AP4S1: variants seen among roughly 807,000 people sequenced by gnomAD.
The protein encoded by AP4S1 is adaptor related protein complex 4 subunit sigma 1.
A neutral mutation model predicts 19.8 loss-of-function variants in AP4S1; 23 were observed. The observed-to-expected ratio is 1.16, with a 90% CI of 0.84 to 1.65. The LOEUF (loss-of-function observed/expected upper bound fraction) is 1.65, where lower values mean the gene tolerates loss of function less well. AP4S1 is among the 40% of genes most tolerant of loss of function. The probability of loss-of-function intolerance (pLI) is 0.00; values close to 1 mark genes in which losing one functional copy is unlikely to be tolerated. For synonymous variants in AP4S1, 46 were observed against 54.1 expected (o/e 0.85, Z 0.66); for missense variants, 166 against 172.8 (o/e 0.96, Z 0.22).
chr14:31,081,043 C>T (rs771417424), intron 5 of AP4S1, among the ~76,000 whole-genome samples: 2 of 152,166 alleles, frequency 1.3e-5, no homozygotes, highest in Non-Finnish European at 2.9e-5. Flanking sequence ...CCACCCACCT[C>T]GGCCTCCCAA....
rs546391890 is a variant in AP4S1 at position 31,073,275 on chromosome 14, G to T, written c.294+302G>T. ...GGAGGCTAAGGTGGGCAGATCACAA[G>T]GTCAGGAGATGGAGACCATCCTGGC... On this transcript the variant is annotated intron_variant, in intron 4 of 5. Coordinates refer to ENST00000542754, the MANE Select transcript of AP4S1 (RefSeq NM_001128126.3). 8.2e-4 allele frequency: 269 copies of T among 329,010 alleles called. 2 individuals carry two copies. Among genetic ancestry groups the T allele is most frequent in the Non-Finnish European group, 1.5e-4 (26 of 171,292 alleles). 20.4% of individuals were successfully genotyped at this position (329,010 alleles called of 1,614,324 possible).
At chr14:31,048,934 T>A (rs565578161) in intron 1 of AP4S1, among the ~76,000 whole-genome samples, 49 of 152,066 alleles carry the variant, frequency 3.2e-4, no homozygotes, top group African/African-American at 1.2e-3. Flanking sequence ...TGTAGGACTA[T>A]CCTATTAGTT....
intron 1 of AP4S1, among the ~76,000 whole-genome samples, chr14:31,059,951 T>A (rs1886327590): frequency 7.1e-6 from 1 of 141,044 alleles, no homozygotes; most frequent in African/African-American, 2.6e-5. Flanking sequence ...ATATATTTAT[T>A]TATTTATGTA....
Position 31,080,573 on chromosome 14 carries a change from A to C in AP4S1, c.295A>C (p.Ser99Arg), listed in dbSNP as rs756850678. The C allele has an allele frequency of 6.2e-7, 1 of 1,612,116 alleles. No homozygotes were observed. Among genetic ancestry groups the C allele is most frequent in the Non-Finnish European group, 8.5e-7 (1 of 1,178,450 alleles). Residue 99 changes from serine (S) to arginine (R), a missense_variant and splice_region_variant, in exon 5 of 6, where the codon AGT becomes CGT. Transcript: ENST00000542754. ...CTTGCACTCTTTTTCTGTCTTCCAG[A>C]GTGAATTAGATGTATCCTTTTTCAA... ...EVLDEYFSRV[S>R]ELDIMFNLDK...
intron 1 of AP4S1, among the ~76,000 whole-genome samples, chr14:31,045,117 G>C (rs888118367): frequency 9.2e-5 from 14 of 152,068 alleles, no homozygotes; most frequent in Non-Finnish European, 1.6e-4. Flanking sequence ...GGCCAGGTTG[G>C]TCTCAAACTC....
chr14:31,054,788 A>C (rs917266954), intron 1 of AP4S1, among the ~76,000 whole-genome samples: 1 of 136,276 alleles, frequency 7.3e-6, no homozygotes, highest in African/African-American at 2.7e-5. Flanking sequence ...GGATCACCGG[A>C]GGCTGGGAGC....
At chr14:31,075,291 G>C (rs1459288149) in intron 4 of AP4S1, among the ~76,000 whole-genome samples, 1 of 151,962 alleles carries the variant, frequency 6.6e-6, no homozygotes, top group African/African-American at 2.4e-5. Flanking sequence ...TTGTCTTTCG[G>C]TGCCTGGCTT....
At chr14:31,069,018 T>C (rs970323749) in intron 2 of AP4S1, among the ~76,000 whole-genome samples, 2 of 152,158 alleles carry the variant, frequency 1.3e-5, no homozygotes, top group African/African-American at 4.8e-5. Flanking sequence ...GGCTTTCCCA[T>C]AGAGGAATTT....
At chr14:31,076,022 C>T (rs923621396) in intron 4 of AP4S1, among the ~76,000 whole-genome samples, 6 of 152,112 alleles carry the variant, frequency 3.9e-5, no homozygotes, top group African/African-American at 1.2e-4. Context: ...AGGCGTGAGC[C>T]GTCACGCCTG....
chr14:31,051,458 G>A (rs1885789358), intron 1 of AP4S1, among the ~76,000 whole-genome samples: 1 of 152,138 alleles, frequency 6.6e-6, no homozygotes, highest in African/African-American at 2.4e-5. Context: ...ATCACCTGAG[G>A]TCGAGAGTTC....
chr14:31,070,391 C>T (rs1053415621), intron 3 of AP4S1, among the ~76,000 whole-genome samples: 13 of 152,208 alleles, frequency 8.5e-5, no homozygotes, highest in African/African-American at 2.4e-5. Context: ...CAGGCTCACA[C>T]TCCCAAGCCC....
intron 1 of AP4S1, among the ~76,000 whole-genome samples, chr14:31,043,146 G>A (rs3784160): frequency 0.43 from 65,766 of 151,532 alleles, 15,115 homozygotes; most frequent in Admixed American, 0.57. Flanking sequence ...GCTTGAACTC[G>A]GGAGGCGGAA....
In AP4S1 at chr14:31,025,737, G is replaced by T; in HGVS notation, c.-122G>T. 1.1e-6 allele frequency: 1 copy of T among 907,266 alleles called. No individual in the cohort carries two copies. The highest frequency in any genetic ancestry group is 1.7e-5 in the South Asian group (1 of 58,108). 56.2% of individuals were successfully genotyped at this position (907,266 alleles called of 1,614,324 possible). ...CAAGCTTATGCGGGAAAGAGGGAGG[G>T]GGACTCCAGGAAAAGCCGTTGAGAG... On this transcript the variant is annotated 5_prime_UTR_variant, in exon 1 of 6. Transcript: ENST00000542754.
chr14:31,046,964 C>A (rs549097418), intron 1 of AP4S1, among the ~76,000 whole-genome samples: 106 of 152,290 alleles, frequency 7.0e-4, no homozygotes, highest in Non-Finnish European at 1.3e-3. Flanking sequence ...TACATTCCCA[C>A]CAGCAATGTA....
chr14:31,030,237 G>T (rs1370528343), intron 1 of AP4S1, among the ~76,000 whole-genome samples: 2 of 152,094 alleles, frequency 1.3e-5, no homozygotes, highest in Non-Finnish European at 2.9e-5. Flanking sequence ...GGGGTTACAG[G>T]TGTGAGCCAC....
At chr14:31,082,758 C>T (rs987801257) in intron 5 of AP4S1, among the ~76,000 whole-genome samples, 55 of 152,046 alleles carry the variant, frequency 3.6e-4, no homozygotes, top group Admixed American at 7.2e-4. Flanking sequence ...TAGCCGGGCG[C>T]GGTGGCGGGC....
At position 31,058,517 on chromosome 14, in the gene AP4S1, CTGTGTGTGTATGTGTG is replaced by C. The variant is rs1201758028; in HGVS notation, c.-71-7599_-71-7584del. Among the ~76,000 whole-genome samples the C allele has an allele frequency of 1.4e-3, 202 of 139,460 alleles. 2 individuals carry two copies. Among genetic ancestry groups the C allele is most frequent in the African/African-American group, 4.2e-3 (155 of 37,218 alleles). 91.5% of individuals were successfully genotyped at this position (139,460 alleles called of 152,430 possible). On this transcript the variant is annotated intron_variant, in intron 1 of 5. Coordinates refer to ENST00000542754, the MANE Select transcript of AP4S1 (RefSeq NM_001128126.3). ...GGTCATCAAAACATCTTCCCCATCT[CTGTGTGTGTATGTGTG>C]TGTGTGTGTGTGTGTGTGTGTGTGT...
intron 1 of AP4S1, among the ~76,000 whole-genome samples, chr14:31,054,120 G>A (rs895930176): frequency 6.6e-6 from 1 of 152,174 alleles, no homozygotes; most frequent in Non-Finnish European, 1.5e-5. Context: ...GATGCTCACT[G>A]TATACTAGGC....
intron 5 of AP4S1, chr14:31,085,118 G>T (rs1404104030): frequency 2.3e-6 from 3 of 1,329,440 alleles, no homozygotes; most frequent in Non-Finnish European, 2.9e-6. Flanking sequence ...GCTCTAGAAG[G>T]CCCATTCTAT....
Sources: allele counts gnomAD v4.1 joint callset (sites outside exome capture counted in the v4.1 genomes callset), GRCh38; gene constraint gnomAD v4.1.1; transcripts MANE v1.5; gene names NCBI Gene and HGNC (gene_info 2026-07-23, HGNC 2026-07-21).